The following ZNF569 variants were observed in gnomAD, a reference collection of about 807,000 sequenced individuals.
ZNF569 encodes zinc finger protein 569, also known as DNA-binding protein.
ZNF569 carries 38 observed loss-of-function variants against 56.3 expected under a neutral mutation model. The observed-to-expected ratio is 0.68, with a 90% CI of 0.52 to 0.88. ZNF569 has a LOEUF of 0.88. ZNF569 is among the 40% of genes least tolerant of loss of function. ZNF569 has a pLI of 0.00. For synonymous variants in ZNF569, 241 were observed against 262.9 expected, an observed-to-expected ratio of 0.92 and a Z score of 0.81; for missense variants, 666 against 809.2, an observed-to-expected ratio of 0.82 and a Z score of 2.15.
rs118102140 is a variant in ZNF569, at chr19:37,436,892, T to C, written c.15+8015A>G. ...TTCACTGCTGAATTTTACTGAACAATTAAAGAAGAACTAATACCAATCCTA... is the reference window on the plus strand; with the variant it reads ...TTCACTGCTGAATTTTACTGAACAACTAAAGAAGAACTAATACCAATCCTA... On this transcript the variant is annotated intron_variant, in intron 3 of 5. Transcript: ENST00000316950. Among the ~76,000 whole-genome samples, 1,012 of 151,612 alleles carry C rather than the reference T, an allele frequency of 6.7e-3. 4 individuals carry two copies. Among genetic ancestry groups the C allele is most frequent in the Non-Finnish European group, 0.011 (734 of 67,890 alleles).
intron 2 of ZNF569, among the ~76,000 whole-genome samples, 198 bp from the exon 3 acceptor site, chr19:37,445,162 G>A (rs2041472016): frequency 6.6e-6 from 1 of 152,080 alleles, no homozygotes; most frequent in African/African-American, 2.4e-5. Context: ...GGCACAGGGT[G>A]GATAGAAACA....
At chr19:37,438,421 C>CA (rs2041348365) in intron 3 of ZNF569, among the ~76,000 whole-genome samples, 1 of 152,010 alleles carries the variant, frequency 6.6e-6, no homozygotes, top group Admixed American at 6.6e-5. Context: ...CAAGCAGACA[C>CA]AAAGACCAAT....
chr19:37,412,368 G>C lies in ZNF569; in HGVS notation c.*229C>G. Reference sequence around the variant, plus strand: ...CCTTGTTTCAGATTTCAATGAGAATGCTGATTAAATATTATCAATAAGATG... The same window carrying C: ...CCTTGTTTCAGATTTCAATGAGAATCCTGATTAAATATTATCAATAAGATG... On this transcript the variant is annotated 3_prime_UTR_variant, in exon 6 of 6. Transcript: ENST00000316950. The C allele has an allele frequency of 3.3e-6, 2 of 607,156 alleles. No individual in the cohort carries two copies. The highest frequency in any genetic ancestry group is 4.9e-6 in the Non-Finnish European group (2 of 410,630). The allele number at this position is 607,156 out of a possible 1,614,324, so 37.6% of individuals were successfully genotyped here.
intron 3 of ZNF569, among the ~76,000 whole-genome samples, chr19:37,433,572 T>A (rs1196017649): frequency 6.6e-6 from 1 of 152,012 alleles, no homozygotes; most frequent in Non-Finnish European, 1.5e-5. Context: ...CTCCTAAAGG[T>A]CAATGATAAA....
At chr19:37,426,109 AGC>A (rs1193644375) in intron 4 of ZNF569, 141 bp downstream of exon 4, 1 of 1,276,218 alleles carries the variant, frequency 7.8e-7, no homozygotes, top group Non-Finnish European at 1.1e-6. Flanking sequence ...TGAAAACTGC[AGC>A]ATGGACATTC....
intron 2 of ZNF569, among the ~76,000 whole-genome samples, chr19:37,456,975 A>C (rs1401093868): frequency 7.0e-6 from 1 of 142,970 alleles, no homozygotes; most frequent in Non-Finnish European, 1.5e-5. Context: ...CTCAAAAAAA[A>C]AAAAACAAAA....
chr19:37,413,882 C>G lies in ZNF569; in HGVS notation c.776G>C (p.Arg259Thr), dbSNP rs770926626. 2.5e-6 allele frequency: 4 copies of G among 1,613,174 alleles called. No individual in the cohort carries two copies. The highest frequency in any genetic ancestry group is 3.4e-6 in the Non-Finnish European group (4 of 1,179,904). ...KAFIKMSNLI[R>T]HQRIHTGEKP... The stretch of plus-strand genomic sequence containing the variant: ...CTCTCCAGTATGAATTCTTTGATGT[C>G]TAATGAGATTTGACATTTTAATGAA... Residue 259 changes from arginine (R) to threonine (T), a missense_variant, in exon 6 of 6, where the codon AGA (arginine) becomes ACA (threonine). Physicochemically the swap from Arg to Thr is moderately conservative, Grantham distance 71 (BLOSUM62 -1). Coordinates refer to ENST00000316950, the MANE Select transcript of ZNF569 (RefSeq NM_152484.3).
chr19:37,435,766 T>C (rs573850449), intron 3 of ZNF569, among the ~76,000 whole-genome samples: 7 of 152,272 alleles, frequency 4.6e-5, no homozygotes, highest in Admixed American at 3.3e-4. Context: ...CATTACATGA[T>C]GATAAAGGGG....
chr19:37,438,607 TG>T (rs1230191863), intron 3 of ZNF569, among the ~76,000 whole-genome samples: 3 of 152,116 alleles, frequency 2.0e-5, no homozygotes, highest in African/African-American at 7.2e-5. Context: ...CAAATCAAAA[TG>T]GATTAAAGAC....
chr19:37,456,194 T>G (rs1022420201), intron 2 of ZNF569, among the ~76,000 whole-genome samples: 16 of 152,266 alleles, frequency 1.1e-4, no homozygotes, highest in African/African-American at 3.4e-4. Flanking sequence ...TGTAGAAAGT[T>G]TTTGGCCTTT....
chr19:37,434,668 T>A (rs1324030719), intron 3 of ZNF569, among the ~76,000 whole-genome samples: 2 of 152,204 alleles, frequency 1.3e-5, no homozygotes, highest in East Asian at 3.8e-4. Context: ...CAATTGAAGA[T>A]CCACAAAAGA....
rs541700619 is a variant in ZNF569, at chr19:37,444,335, ATGTT to A, written c.15+568_15+571del. ...TTTTGTTTCTGGCTTCTTTCATTCTATGTTTGTGTAATCTATCCATGTTGGTTGT... is the reference window on the plus strand; with the variant it reads ...TTTTGTTTCTGGCTTCTTTCATTCTATGTGTAATCTATCCATGTTGGTTGT... On this transcript the variant is annotated intron_variant, in intron 3 of 5. Coordinates refer to ENST00000316950, the MANE Select transcript of ZNF569 (RefSeq NM_152484.3). Among the ~76,000 whole-genome samples the A allele has an allele frequency of 3.9e-3, 600 of 152,118 alleles. 6 individuals are homozygous for A. The highest frequency in any genetic ancestry group is 0.014 in the African/African-American group (573 of 41,486).
intron 3 of ZNF569, among the ~76,000 whole-genome samples, chr19:37,429,138 T>A (rs187197051): frequency 3.9e-5 from 6 of 152,322 alleles, no homozygotes; most frequent in African/African-American, 1.2e-4. Context: ...GCCAGGCACA[T>A]GGTCTGCTGA....
chr19:37,432,879 C>T (rs1041802022), intron 3 of ZNF569, among the ~76,000 whole-genome samples: 15 of 147,844 alleles, frequency 1.0e-4, no homozygotes, highest in African/African-American at 2.2e-4. Context: ...AAAAATGCAA[C>T]GGACAAACTA....
In ZNF569 at chr19:37,412,430, A is replaced by T; in HGVS notation, c.*167T>A. ...TTTCTGGTAACAGCTTTTTCATTAT[A>T]TAATTTGTCACCTTGGAAGAATTCT... On this transcript the variant is annotated 3_prime_UTR_variant, in exon 6 of 6. Coordinates refer to ENST00000316950, the MANE Select transcript of ZNF569 (RefSeq NM_152484.3). 1 of 1,227,874 alleles carries T rather than the reference A, an allele frequency of 8.1e-7. No individual in the cohort carries two copies. The highest frequency in any genetic ancestry group is 1.0e-6 in the Non-Finnish European group (1 of 955,596). The allele number at this position is 1,227,874 out of a possible 1,614,324, so 76.1% of individuals were successfully genotyped here. A position where few individuals can be genotyped will look rare whatever the true frequency, so the allele number is the denominator to read the frequency against.
At chr19:37,440,190 C>T (rs995383000) in intron 3 of ZNF569, among the ~76,000 whole-genome samples, 5 of 151,828 alleles carry the variant, frequency 3.3e-5, no homozygotes, top group African/African-American at 7.3e-5. Flanking sequence ...ACACCTACTA[C>T]GTATCCACAA....
intron 5 of ZNF569, among the ~76,000 whole-genome samples, chr19:37,424,474 T>A (rs1274575878): frequency 1.2e-4 from 18 of 151,948 alleles, no homozygotes; most frequent in Non-Finnish European, 1.5e-5. Context: ...AATGACATCT[T>A]AGGTTTATAA....
At chr19:37,436,663 T>G (rs1445413712) in intron 3 of ZNF569, among the ~76,000 whole-genome samples, 1 of 151,812 alleles carries the variant, frequency 6.6e-6, no homozygotes, top group African/African-American at 2.4e-5. Flanking sequence ...CTGGAGAAAT[T>G]CAAAGGATCA....
chr19:37,416,994 TCAAACTGG>T (rs1409125199), intron 5 of ZNF569, among the ~76,000 whole-genome samples: 1 of 151,958 alleles, frequency 6.6e-6, no homozygotes, highest in Non-Finnish European at 1.5e-5. Flanking sequence ...TAAGATGAGG[TCAAACTGG>T]AATAAGAGAA....
Sources: allele counts gnomAD v4.1 joint callset (sites outside exome capture counted in the v4.1 genomes callset), GRCh38; gene constraint gnomAD v4.1.1; transcripts MANE v1.5; gene names NCBI Gene and HGNC (gene_info 2026-07-23, HGNC 2026-07-21).